The following ADIPOR2 variants were observed in gnomAD, a reference collection of about 807,000 sequenced individuals.
ADIPOR2 encodes the protein adiponectin receptor protein 2.
A neutral mutation model predicts 40.9 loss-of-function variants in ADIPOR2; 18 were observed. The observed-to-expected ratio is 0.44, with a 90% CI of 0.30 to 0.65. ADIPOR2 has a LOEUF of 0.65. Ranked by LOEUF, ADIPOR2 falls within the 30% of genes least tolerant of loss-of-function variation. ADIPOR2 has a pLI of 0.09. For synonymous variants in ADIPOR2, 165 were observed against 166.4 expected, an observed-to-expected ratio of 0.99 and a Z score of 0.06; for missense variants, 283 against 479.2, an observed-to-expected ratio of 0.59 and a Z score of 3.82.
intron 1 of ADIPOR2, among the ~76,000 whole-genome samples, chr12:1,743,386 C>T (rs2094747925): frequency 6.7e-6 from 1 of 148,766 alleles, no homozygotes; most frequent in Admixed American, 6.7e-5. Context: ...AGTTTAAATT[C>T]TCTAAAATAC....
chr12:1,754,371 G>T lies in ADIPOR2; in HGVS notation c.28G>T (p.Gly10Trp). Residue 10 changes from glycine to tryptophan, a missense_variant, in exon 2 of 8, where the codon GGG becomes TGG. This residue lies in a region of ADIPOR2 where 65 missense variants were observed against 79.9 expected (regional missense o/e 0.81). Coordinates refer to ENST00000357103, the MANE Select transcript of ADIPOR2 (RefSeq NM_024551.3). MNEPTENRL[G>W]CSRTPEPDIR... ...GAACGAGCCAACAGAAAACCGATTG[G>T]GGTGCAGCAGGACTCCAGAGCCAGA... The T allele has an allele frequency of 6.2e-7, 1 of 1,610,052 alleles. No homozygotes were observed. The highest frequency in any genetic ancestry group is 2.2e-5 in the East Asian group (1 of 44,716).
intron 2 of ADIPOR2, among the ~76,000 whole-genome samples, chr12:1,770,366 G>A (rs1462572394): frequency 6.6e-6 from 1 of 152,162 alleles, no homozygotes; most frequent in Non-Finnish European, 1.5e-5. Context: ...TGAAATGGCT[G>A]ACAGTAATTT....
At chr12:1,747,715 C>A (rs1158091811) in intron 1 of ADIPOR2, among the ~76,000 whole-genome samples, 1 of 149,346 alleles carries the variant, frequency 6.7e-6, no homozygotes, top group Admixed American at 6.6e-5. Context: ...TTTTTTTTTT[C>A]TTTTATTTGA....
intron 1 of ADIPOR2, among the ~76,000 whole-genome samples, chr12:1,724,112 G>T (rs2094703207): frequency 6.6e-6 from 1 of 151,950 alleles, no homozygotes; most frequent in Non-Finnish European, 1.5e-5. Flanking sequence ...CTCCCTAGTG[G>T]CTGGGATTAC....
intron 1 of ADIPOR2, among the ~76,000 whole-genome samples, chr12:1,710,234 A>G (rs1418502256): frequency 6.6e-6 from 1 of 152,200 alleles, no homozygotes; most frequent in Non-Finnish European, 1.5e-5. Context: ...CCCAGCCATC[A>G]GCTGCAACCC....
At chr12:1,716,268 C>G (rs1325636047) in intron 1 of ADIPOR2, among the ~76,000 whole-genome samples, 1 of 152,152 alleles carries the variant, frequency 6.6e-6, no homozygotes, top group Non-Finnish European at 1.5e-5. Context: ...AGGCATTTGT[C>G]TATTAAAAAT....
intron 2 of ADIPOR2, among the ~76,000 whole-genome samples, chr12:1,764,945 A>G (rs1862346976): frequency 6.6e-6 from 1 of 152,098 alleles, no homozygotes; most frequent in Admixed American, 6.5e-5. Flanking sequence ...ATATGAAGGC[A>G]ATCTGGGTTG....
rs541118630 is a variant in ADIPOR2, at chr12:1,752,341, C to T, written c.-86-1917C>T. Among the ~76,000 whole-genome samples, 4 of 145,496 alleles carry T rather than the reference C, an allele frequency of 2.7e-5. No individual in the cohort carries two copies. The South Asian group carries it at 9.1e-4, about 33-fold the overall frequency. On this transcript the variant is annotated intron_variant, in intron 1 of 7. Coordinates refer to ENST00000357103, the MANE Select transcript of ADIPOR2 (RefSeq NM_024551.3). ...CTCCCCCTCCCAGGCTCAAGTAATC[C>T]TCTCACCTTGGCCTCCCTAAGTGCT...
intron 1 of ADIPOR2, 150 bp from the exon 2 acceptor site, chr12:1,754,108 T>G: frequency 2.8e-6 from 1 of 359,498 alleles, no homozygotes; most frequent in East Asian, 4.3e-5. Flanking sequence ...GATTTTTGGC[T>G]ATATTCCCTG....
At chr12:1,695,953 A>C (rs553191965) in intron 1 of ADIPOR2, 193 of 152,832 alleles carry the variant, frequency 1.3e-3, no homozygotes, top group Non-Finnish European at 2.4e-4. Flanking sequence ...CCTAATCATC[A>C]AAGTTCTTCT....
intron 3 of ADIPOR2, among the ~76,000 whole-genome samples, chr12:1,775,172 T>G (rs1862565087): frequency 6.6e-6 from 1 of 152,268 alleles, no homozygotes; most frequent in South Asian, 2.1e-4. Context: ...TTTTATGGTC[T>G]AATATATCCA....
At chr12:1,757,809 G>C in intron 2 of ADIPOR2, 1 of 863,620 alleles carries the variant, frequency 1.2e-6, no homozygotes, top group Admixed American at 1.7e-5. Context: ...CGATCTTAAT[G>C]AACCTCTGCA....
At chr12:1,701,414 T>TCCTG in intron 1 of ADIPOR2, among the ~76,000 whole-genome samples, 1 of 152,252 alleles carries the variant, frequency 6.6e-6, no homozygotes, top group East Asian at 1.9e-4. Flanking sequence ...GAGCCACCAC[T>TCCTG]CCTGGCCTGA....
rs1055905704 is a variant in ADIPOR2 at position 1,753,171 on chromosome 12, C to T, written c.-86-1087C>T. ...TTCTCCTACTTTGCCCTACTCCTTT[C>T]CCCACTAAGAACCTTGAACCTCATG... On this transcript the variant is annotated intron_variant, in intron 1 of 7. Transcript: ENST00000357103. 5.9e-5 allele frequency among the ~76,000 whole-genome samples: 9 copies of T among 152,316 alleles called. 1 individual carries two copies. Among genetic ancestry groups the T allele is most frequent in the Admixed American group, 2.6e-4 (4 of 15,308 alleles).
chr12:1,714,676 T>G (rs2094684198), intron 1 of ADIPOR2, among the ~76,000 whole-genome samples: 1 of 152,132 alleles, frequency 6.6e-6, no homozygotes, highest in South Asian at 2.1e-4. Flanking sequence ...GGATCCACAC[T>G]GAGAATGGCT....
At chr12:1,719,481 C>T (rs2154442062) in intron 1 of ADIPOR2, among the ~76,000 whole-genome samples, 1 of 152,226 alleles carries the variant, frequency 6.6e-6, no homozygotes, top group East Asian at 1.9e-4. Flanking sequence ...ACTATATGAA[C>T]ATGGATAAGT....
Position 1,788,646 on chromosome 12 carries a change from C to T in ADIPOR2, c.*2574C>T, listed in dbSNP as rs1862888987. The T allele has an allele frequency of 6.6e-6, 1 of 152,594 alleles. No individual in the cohort carries two copies. The allele number at this position is 152,594 out of a possible 1,614,324, so 9.5% of individuals were successfully genotyped here. A position where few individuals can be genotyped will look rare whatever the true frequency, so the allele number is the denominator to read the frequency against. The stretch of plus-strand genomic sequence containing the variant: ...GGGATTTCCCTACTTGCTGTATTCT[C>T]AGTTTCTAATAAAAAGAACCAAATG... On this transcript the variant is annotated 3_prime_UTR_variant, in exon 8 of 8. Transcript: ENST00000357103.
intron 1 of ADIPOR2, among the ~76,000 whole-genome samples, chr12:1,704,189 A>G (rs2094657237): frequency 6.6e-6 from 1 of 151,886 alleles, no homozygotes; most frequent in Non-Finnish European, 1.5e-5. Flanking sequence ...TTTTAAAAGC[A>G]GCTCATGGTT....
intron 1 of ADIPOR2, among the ~76,000 whole-genome samples, chr12:1,728,418 G>C (rs1468859804): frequency 6.6e-6 from 1 of 151,670 alleles, no homozygotes; most frequent in Non-Finnish European, 1.5e-5. Flanking sequence ...CTCATGCAGA[G>C]CTTTAAAAAA....
Sources: gnomAD v4.1 joint callset for allele counts (sites outside exome capture counted in the v4.1 genomes callset) on GRCh38, gnomAD v4.1.1 for gene constraint, gnomAD v4.1.1 regional missense constraint, MANE v1.5 for transcripts, NCBI Gene and HGNC (gene_info 2026-07-23, HGNC 2026-07-21) for gene names.